ITGA4: variants seen among roughly 807,000 people sequenced by gnomAD.
The protein encoded by ITGA4 is integrin alpha-4.
Under a neutral mutation model 133.6 loss-of-function variants are expected in ITGA4, and 63 were observed. The ratio of observed to expected loss-of-function variants is 0.47; its 90% CI spans 0.38 to 0.58. The LOEUF is 0.58. Among genes scored for constraint, ITGA4 ranks in the 20% least tolerant of loss-of-function variants. The pLI is 0.00. For synonymous variants in ITGA4, 483 were observed against 438.0 expected (o/e 1.10, Z -1.28); for missense variants, 1,076 against 1,252.7 (o/e 0.86, Z 2.13).
Position 181,530,514 on chromosome 2 carries a change from G to C in ITGA4, c.2539-10G>C. 2 of 1,603,966 alleles carry C rather than the reference G, an allele frequency of 1.2e-6. No homozygotes were observed. Among genetic ancestry groups the C allele is most frequent in the Non-Finnish European group, 1.7e-6 (2 of 1,173,132 alleles). Reference sequence around the variant, plus strand: ...AAAGATAAGATTTCTCTTGCTTTCTGTCTTCATAGACTACTACTGGAGAAT... The same window carrying C: ...AAAGATAAGATTTCTCTTGCTTTCTCTCTTCATAGACTACTACTGGAGAAT... On this transcript the variant is annotated splice_polypyrimidine_tract_variant and intron_variant, in intron 23 of 27. Coordinates refer to ENST00000397033, the MANE Select transcript of ITGA4 (RefSeq NM_000885.6).
chr2:181,474,388 G>A (rs1685626310), intron 2 of ITGA4, among the ~76,000 whole-genome samples: 1 of 152,126 alleles, frequency 6.6e-6, no homozygotes, highest in Admixed American at 6.5e-5. Flanking sequence ...GAAAACATGA[G>A]TCATATTCCA....
At chr2:181,489,076 CTTATT>C (rs1273846244) in intron 10 of ITGA4, among the ~76,000 whole-genome samples, 2 of 150,384 alleles carry the variant, frequency 1.3e-5, no homozygotes, top group East Asian at 1.9e-4. Flanking sequence ...CCCATCTTCT[CTTATT>C]TTATTTTTCT....
At chr2:181,492,893 G>A (rs1686082771) in intron 10 of ITGA4, 1 of 153,068 alleles carries the variant, frequency 6.5e-6, no homozygotes, top group Non-Finnish European at 1.5e-5. Flanking sequence ...GTTATTACAT[G>A]CGAGGCACTG....
In ITGA4 at chr2:181,478,379, A is replaced by G. The variant is rs552930159; in HGVS notation, c.557-378A>G. On this transcript the variant is annotated intron_variant, in intron 4 of 27. Coordinates refer to ENST00000397033, the MANE Select transcript of ITGA4 (RefSeq NM_000885.6). ...AAAAGATGACCGTGAGGAGGTATGT[A>G]AAGTGTAGTAACTGTTTCACTATGT... Among the ~76,000 whole-genome samples the G allele has an allele frequency of 9.0e-4, 137 of 152,220 alleles. No homozygotes were observed. The South Asian group carries it at 0.028, about 31-fold the overall frequency.
intron 15 of ITGA4, among the ~76,000 whole-genome samples, chr2:181,507,208 C>G (rs1686411123): frequency 6.6e-6 from 1 of 152,094 alleles, no homozygotes; most frequent in African/African-American, 2.4e-5. Context: ...TAGATTTTCT[C>G]CACTTGTTTC....
Position 181,516,316 on chromosome 2 carries a change from G to A in ITGA4, c.1922+4541G>A, listed in dbSNP as rs1686606354. On this transcript the variant is annotated intron_variant, in intron 17 of 27. Transcript: ENST00000397033. The surrounding 1 kb of genome is among the most constrained non-coding windows in gnomAD (Gnocchi z 4.0). ...CAAGTTTTAGAGTAATTAACTAATA[G>A]TGACTTAAACAATAAAGATATTATT... 6.6e-6 allele frequency among the ~76,000 whole-genome samples: 1 copy of A among 152,014 alleles called. No individual in the cohort carries two copies. Among genetic ancestry groups the A allele is most frequent in the African/African-American group, 2.4e-5 (1 of 41,412 alleles).
chr2:181,525,192 G>T lies in ITGA4; in HGVS notation c.2250-10G>T. 1.9e-6 allele frequency: 3 copies of T among 1,543,332 alleles called. No individual in the cohort carries two copies. On this transcript the variant is annotated splice_polypyrimidine_tract_variant and intron_variant, in intron 20 of 27. Transcript: ENST00000397033. Reference sequence around the variant, plus strand: ...GGTGAATTCTAACAGGGTGTTTTCTGTTTGTATAGTGAAAATGAAGAGGAA... The same window carrying T: ...GGTGAATTCTAACAGGGTGTTTTCTTTTTGTATAGTGAAAATGAAGAGGAA...
In ITGA4 at chr2:181,482,604, A is replaced by T. The variant is rs771641972; in HGVS notation, c.994A>T (p.Thr332Ser). 1 of 1,613,812 alleles carries T rather than the reference A, an allele frequency of 6.2e-7. No individual in the cohort carries two copies. Among genetic ancestry groups the T allele is most frequent in the Admixed American group, 1.7e-5 (1 of 59,994 alleles). Residue 332 changes from threonine to serine, a missense_variant, in exon 9 of 28, where the codon ACC (threonine) becomes TCC (serine). Thr to Ser is a moderately conservative substitution (Grantham distance 58). Transcript: ENST00000397033. Reference sequence around the variant, plus strand: ...GCTCGTGGGAGCACCCATGCAGAGCACCATCAGAGAGGAAGGAAGAGTGTT... The same window carrying T: ...GCTCGTGGGAGCACCCATGCAGAGCTCCATCAGAGAGGAAGGAAGAGTGTT... ...DLLVGAPMQS[T>S]IREEGRVFVY...
At chr2:181,506,305 C>A (rs1476029652) in intron 15 of ITGA4, among the ~76,000 whole-genome samples, 4 of 152,026 alleles carry the variant, frequency 2.6e-5, no homozygotes, top group Non-Finnish European at 5.9e-5. Context: ...AAATTTGAAG[C>A]AACATACAAA....
chr2:181,459,679 A>G (rs771847206), intron 2 of ITGA4, among the ~76,000 whole-genome samples: 6 of 152,224 alleles, frequency 3.9e-5, no homozygotes, highest in Non-Finnish European at 7.3e-5. Flanking sequence ...ACATTTTGGA[A>G]TGATTTTGCA....
intron 1 of ITGA4, 85 bp from the exon 2 acceptor site, chr2:181,458,111 C>T: frequency 6.3e-7 from 1 of 1,578,338 alleles, no homozygotes; most frequent in Non-Finnish European, 8.7e-7. Flanking sequence ...AGCTGCCCTG[C>T]TGCGGACTGC....
intron 2 of ITGA4, among the ~76,000 whole-genome samples, chr2:181,463,495 C>T (rs1685337768): frequency 1.3e-5 from 2 of 152,070 alleles, no homozygotes; most frequent in Admixed American, 1.3e-4. Context: ...TGGAGAAGAA[C>T]ATGGAGATTC....
chr2:181,473,282 G>A (rs946085463), intron 2 of ITGA4, among the ~76,000 whole-genome samples: 8 of 152,166 alleles, frequency 5.3e-5, no homozygotes, highest in Admixed American at 2.6e-4. Flanking sequence ...TTAGATTCTC[G>A]TAGGAGTGCA....
rs1015197805 is a variant in ITGA4, at chr2:181,537,575, G to C, written c.*2048G>C. 2.3e-6 allele frequency: 1 copy of C among 432,056 alleles called. No individual in the cohort carries two copies. The highest frequency in any genetic ancestry group is 4.6e-6 in the Non-Finnish European group (1 of 216,964). The allele number at this position is 432,056 out of a possible 1,614,324, so 26.8% of individuals were successfully genotyped here. A position where few individuals can be genotyped will look rare whatever the true frequency, so the allele number is the denominator to read the frequency against. On this transcript the variant is annotated 3_prime_UTR_variant, in exon 28 of 28. Coordinates refer to ENST00000397033, the MANE Select transcript of ITGA4 (RefSeq NM_000885.6). ...GAGCAGTGAATCAAGGCAGACTTAT[G>C]AAATCTGTATTATATTTGTAACAGA...
intron 25 of ITGA4, among the ~76,000 whole-genome samples, chr2:181,533,313 A>C (rs767447435): frequency 1.4e-4 from 22 of 152,232 alleles, no homozygotes; most frequent in Non-Finnish European, 3.2e-4. Context: ...AGGAAGATAC[A>C]CTAGACAGGC....
intron 2 of ITGA4, chr2:181,459,520 T>G (rs898708158): frequency 6.6e-6 from 1 of 152,220 alleles, no homozygotes; most frequent in Non-Finnish European, 1.5e-5. Context: ...AGATAGAGTA[T>G]AAACATAATG....
chr2:181,522,460 A>C, intron 18 of ITGA4, 119 bp downstream of exon 18: 1 of 656,386 alleles, frequency 1.5e-6, no homozygotes, highest in Non-Finnish European at 2.4e-6. Context: ...TTAGGCTCCT[A>C]GTTATTTTCA....
At position 181,531,650 on chromosome 2, in the gene ITGA4, CT is replaced by C; in HGVS notation, c.2665-5del. The stretch of plus-strand genomic sequence containing the variant: ...TTTTAATGTAGCACTTTTATATTCC[CT>C]TCAAGTACTGCATAAAAGCTGATCC... On this transcript the variant is annotated splice_region_variant and splice_polypyrimidine_tract_variant and intron_variant, in intron 24 of 27. Coordinates refer to ENST00000397033, the MANE Select transcript of ITGA4 (RefSeq NM_000885.6). The C allele has an allele frequency of 1.3e-6, 2 of 1,557,178 alleles. No homozygotes were observed. Among genetic ancestry groups the C allele is most frequent in the Admixed American group, 1.8e-5 (1 of 56,048 alleles).
intron 26 of ITGA4, 114 bp from the exon 27 acceptor site, chr2:181,534,702 G>C: frequency 1.2e-6 from 1 of 854,594 alleles, no homozygotes; most frequent in Non-Finnish European, 1.8e-6. Flanking sequence ...AAATGGGCTG[G>C]GCAGTTCTAA....
Sources: allele counts gnomAD v4.1 joint callset (sites outside exome capture counted in the v4.1 genomes callset), GRCh38; gene constraint gnomAD v4.1.1; non-coding constraint Gnocchi (gnomAD v3.1); transcripts MANE v1.5; gene names NCBI Gene and HGNC (gene_info 2026-07-23, HGNC 2026-07-21).